The following TXNRD3 variants were observed in gnomAD, a reference collection of about 807,000 sequenced individuals.
TXNRD3 encodes the protein TXNRD3 neighbor gene protein.
In TXNRD3, 68 loss-of-function variants were observed where a neutral mutation model predicts 78.2. That is an observed-to-expected ratio of 0.87 (90% CI 0.72 to 1.06). The LOEUF is 1.06. Ranked by LOEUF, TXNRD3 falls within the 50% of genes least tolerant of loss-of-function variation. TXNRD3 has a pLI of 0.00. For synonymous variants in TXNRD3, 296 were observed against 300.1 expected (o/e 0.99, Z 0.14); for missense variants, 751 against 809.5 (o/e 0.93, Z 0.88).
At chr3:126,636,703 C>T (rs1938870422) in intron 6 of TXNRD3, among the ~76,000 whole-genome samples, 1 of 152,172 alleles carries the variant, frequency 6.6e-6, no homozygotes, top group African/African-American at 2.4e-5. Flanking sequence ...AGAGTTTGGG[C>T]ACCTCTATGG....
At position 126,633,952 on chromosome 3, in the gene TXNRD3, T is replaced by C. The variant is rs1163415511; in HGVS notation, c.812A>G (p.Tyr271Cys). The C allele has an allele frequency of 2.0e-6, 3 of 1,515,974 alleles. No individual in the cohort carries two copies. Among genetic ancestry groups the C allele is most frequent in the African/African-American group, 1.4e-5 (1 of 72,610 alleles). 93.9% of individuals were successfully genotyped at this position (1,515,974 alleles called of 1,614,324 possible). ...AACAAATTCTCCATAGGAATTGACA[T>C]AGGCCACAGCCTTTTCCCTCAGAGA... The change falls in exon 7 of 16, where the codon TAT becomes TGT. Residue 271 changes from tyrosine to cysteine, a missense_variant. Coordinates refer to ENST00000524230, the MANE Select transcript of TXNRD3 (RefSeq NM_052883.3).
In TXNRD3 at chr3:126,630,570, T is replaced by C. The variant is rs1938684917; in HGVS notation, c.1197+142A>G. On this transcript the variant is annotated intron_variant, in intron 9 of 15. Transcript: ENST00000524230. ...TCAGAAGAGGGGACGAGGGGGAAAA[T>C]GGGGTTGGCTCTGTAGACTTGGGAG... 5 of 848,750 alleles carry C rather than the reference T, an allele frequency of 5.9e-6. No homozygotes were observed. In the South Asian group the frequency reaches 7.1e-5, roughly 12 times the overall value. The allele number at this position is 848,750 out of a possible 1,614,324, so 52.6% of individuals were successfully genotyped here. A position where few individuals can be genotyped will look rare whatever the true frequency, so the allele number is the denominator to read the frequency against.
At chr3:126,626,979 T>C (rs1000230080) in intron 10 of TXNRD3, among the ~76,000 whole-genome samples, 8 of 151,804 alleles carry the variant, frequency 5.3e-5, no homozygotes, top group Non-Finnish European at 1.0e-4. Context: ...TCCTAGCAAC[T>C]AGGGAAGCTG....
intron 12 of TXNRD3, among the ~76,000 whole-genome samples, chr3:126,619,349 T>C (rs1375236094): frequency 6.6e-6 from 1 of 152,216 alleles, no homozygotes; most frequent in Non-Finnish European, 1.5e-5. Flanking sequence ...AAACGTAGTA[T>C]ATAAACACAA....
At chr3:126,629,765 C>T (rs1938667702) in intron 9 of TXNRD3, among the ~76,000 whole-genome samples, 2 of 152,156 alleles carry the variant, frequency 1.3e-5, no homozygotes, top group Admixed American at 1.3e-4. Context: ...GTACCATTTA[C>T]TGAGTACTGA....
chr3:126,619,698 G>A (rs1938402176), intron 12 of TXNRD3, among the ~76,000 whole-genome samples: 2 of 152,132 alleles, frequency 1.3e-5, no homozygotes, highest in South Asian at 2.1e-4. Context: ...TTTCCAAAAA[G>A]CTAAAAGAGG....
intron 3 of TXNRD3, among the ~76,000 whole-genome samples, chr3:126,645,822 A>G (rs1162382206): frequency 6.6e-6 from 1 of 152,150 alleles, no homozygotes; most frequent in East Asian, 1.9e-4. Context: ...TACTGGGCAA[A>G]CATTAATGTT....
intron 10 of TXNRD3, among the ~76,000 whole-genome samples, chr3:126,627,021 G>A (rs1435705628): frequency 1.3e-5 from 2 of 152,118 alleles, no homozygotes; most frequent in Admixed American, 1.3e-4. Context: ...CAAGGAGTTG[G>A]AGGCTGCAGT....
At chr3:126,633,783 CCG>C in intron 7 of TXNRD3, 124 bp downstream of exon 7, 1 of 529,110 alleles carries the variant, frequency 1.9e-6, no homozygotes, top group Non-Finnish European at 3.0e-6. Flanking sequence ...ACATGCATGG[CCG>C]TGTGTGTGTG....
intron 10 of TXNRD3, chr3:126,625,306 T>G (rs1576286414): frequency 1.3e-5 from 1 of 77,062 alleles, no homozygotes. Flanking sequence ...CCCTCCCCCC[T>G]CCCCCCACCC....
intron 1 of TXNRD3, among the ~76,000 whole-genome samples, chr3:126,648,124 A>G (rs557233718): frequency 1.4e-4 from 21 of 152,242 alleles, no homozygotes; most frequent in Admixed American, 9.8e-4. Flanking sequence ...TTCATTTATA[A>G]TAGCAACAAG....
chr3:126,625,527 G>C (rs1261106418), intron 10 of TXNRD3, among the ~76,000 whole-genome samples: 4 of 151,740 alleles, frequency 2.6e-5, no homozygotes, highest in Non-Finnish European at 5.9e-5. Context: ...GTGTATATGT[G>C]CCACATTTTC....
At position 126,631,820 on chromosome 3, in the gene TXNRD3, C is replaced by T. The variant is rs1291605634; in HGVS notation, c.915G>A (p.Thr305=). The change falls in exon 8 of 16, where the codon ACG becomes ACA. Residue 305 remains threonine (T), a synonymous_variant. Transcript: ENST00000524230. ...TTCCTAAATACCGTGGCCTTTCACC[C>T]GTTGCTATGACAAACTGTGCAGCAG... 9 of 1,535,928 alleles carry T rather than the reference C, an allele frequency of 5.9e-6. No homozygotes were observed. The East Asian group carries it at 9.8e-5, about 17-fold the overall frequency.
At chr3:126,621,680 T>C in intron 12 of TXNRD3, 62 bp downstream of exon 12, 1 of 1,382,982 alleles carries the variant, frequency 7.2e-7, no homozygotes. Context: ...GTTTTACTTG[T>C]ATTAGTTTTA....
chr3:126,611,586 G>A (rs1330486205), intron 13 of TXNRD3, among the ~76,000 whole-genome samples: 1 of 152,214 alleles, frequency 6.6e-6, no homozygotes, highest in Non-Finnish European at 1.5e-5. Flanking sequence ...AGCCATGGGA[G>A]AGCAGGGATC....
At position 126,621,741 on chromosome 3, in the gene TXNRD3, C is replaced by T. The variant is rs1366165784; in HGVS notation, c.1524+1G>A. 7 of 1,498,808 alleles carry T rather than the reference C, an allele frequency of 4.7e-6. No homozygotes were observed. Among genetic ancestry groups the T allele is most frequent in the African/African-American group, 1.4e-5 (1 of 70,928 alleles). 92.8% of individuals were successfully genotyped at this position (1,498,808 alleles called of 1,614,324 possible). A position where few individuals can be genotyped will look rare whatever the true frequency, so the allele number is the denominator to read the frequency against. On this transcript the variant is annotated splice_donor_variant, in intron 12 of 15. Transcript: ENST00000524230. LOFTEE classifies it high-confidence loss of function. ...TATCTCAAAAACAGTAAGAAACTTA[C>T]CTTTTCTAAAGAGGCCCCAAAAAGT...
chr3:126,620,139 C>CA (rs1195793602), intron 12 of TXNRD3, among the ~76,000 whole-genome samples: 2 of 151,840 alleles, frequency 1.3e-5, no homozygotes, highest in African/African-American at 4.8e-5. Context: ...ACTAAAAACA[C>CA]AAAAAATTAT....
chr3:126,642,202 A>G, intron 5 of TXNRD3, 51 bp from the exon 6 acceptor site: 1 of 1,496,970 alleles, frequency 6.7e-7, no homozygotes, highest in Middle Eastern at 1.7e-4. Flanking sequence ...AGTTTCACAC[A>G]TCTGCAATCA....
chr3:126,628,938 T>C (rs1295864235), intron 10 of TXNRD3, among the ~76,000 whole-genome samples: 1 of 152,154 alleles, frequency 6.6e-6, no homozygotes, highest in African/African-American at 2.4e-5. Context: ...AACTATAAAC[T>C]AATTACAAAA....
Sources: allele counts gnomAD v4.1 joint callset (sites outside exome capture counted in the v4.1 genomes callset), GRCh38; gene constraint gnomAD v4.1.1; transcripts MANE v1.5; gene names NCBI Gene and HGNC (gene_info 2026-07-23, HGNC 2026-07-21).